GNB5: variants seen among roughly 807,000 people sequenced by gnomAD.
The protein encoded by GNB5 is G protein subunit beta 5, also known as guanine nucleotide-binding protein subunit beta-5.
Under a neutral mutation model 55.3 loss-of-function variants are expected in GNB5, and 37 were observed. That is an observed-to-expected ratio of 0.67 (90% confidence interval 0.51 to 0.88). The LOEUF is 0.88. Ranked by LOEUF, GNB5 falls within the 40% of genes least tolerant of loss-of-function variation. The pLI, the probability that GNB5 is intolerant of heterozygous loss-of-function variation, is 0.00. For missense variants in GNB5, 476 were observed against 515.3 expected, an observed-to-expected ratio of 0.92 and a Z score of 0.74; for synonymous variants, 219 against 198.5, an observed-to-expected ratio of 1.10 and a Z score of -0.87.
In GNB5 at chr15:52,153,958, C is replaced by A; in HGVS notation, c.357G>T (p.Arg119Ser). The change falls in exon 4 of 13, where the codon AGG (arginine) becomes AGT (serine). Residue 119 changes from arginine to serine, a missense_variant. By Grantham distance (110) the Arg-to-Ser change is moderately radical. Transcript: ENST00000261837. ...GACATACCTGTGACGAGCTCACGATCCTCCTCTTATCTTTGCACCAGTCCA... is the reference window on the plus strand; with the variant it reads ...GACATACCTGTGACGAGCTCACGATACTCCTCTTATCTTTGCACCAGTCCA... ...LCMDWCKDKRRIVSSSQDGKV... is the reference protein window; with the variant it reads ...LCMDWCKDKRSIVSSSQDGKV... 6.2e-7 allele frequency: 1 copy of A among 1,613,406 alleles called. No homozygotes were observed. The highest frequency in any genetic ancestry group is 8.5e-7 in the Non-Finnish European group (1 of 1,179,468).
chr15:52,149,784 T>C, intron 5 of GNB5, 100 bp downstream of exon 5: 1 of 850,840 alleles, frequency 1.2e-6, no homozygotes, highest in Non-Finnish European at 2.0e-6. Flanking sequence ...CAGGGATACA[T>C]GGAGAGAAAT....
chr15:52,185,744 A>G (rs1319076520), intron 1 of GNB5, among the ~76,000 whole-genome samples: 2 of 121,294 alleles, frequency 1.6e-5, no homozygotes, highest in African/African-American at 6.5e-5. Context: ...TGAGCTGTGT[A>G]TTCATCTTTT....
rs1162219778 is a variant in GNB5 at position 52,117,496 on chromosome 15, CCT to C, written c.*5259_*5260del. 3 of 152,262 alleles carry C rather than the reference CCT, an allele frequency of 2.0e-5. No individual in the cohort carries two copies. Among genetic ancestry groups the C allele is most frequent in the African/African-American group, 4.8e-5 (2 of 41,464 alleles). The allele number at this position is 152,262 out of a possible 1,614,324, so 9.4% of individuals were successfully genotyped here. On this transcript the variant is annotated 3_prime_UTR_variant, in exon 13 of 13. Coordinates refer to ENST00000261837, the MANE Select transcript of GNB5 (RefSeq NM_016194.4). ...TCCATTAACCAACTCCTCCCCACCCCCTGCTGCATCCTTTTTCTAATGACATG... is the reference window on the plus strand; with the variant it reads ...TCCATTAACCAACTCCTCCCCACCCCGCTGCATCCTTTTTCTAATGACATG...
chr15:52,168,930 A>G (rs2034501531), intron 3 of GNB5, among the ~76,000 whole-genome samples: 1 of 152,260 alleles, frequency 6.6e-6, no homozygotes, highest in Non-Finnish European at 1.5e-5. Flanking sequence ...CAGAAGACTG[A>G]AACTGGACCC....
intron 3 of GNB5, among the ~76,000 whole-genome samples, chr15:52,173,780 G>A (rs534489343): frequency 6.6e-6 from 1 of 152,164 alleles, no homozygotes; most frequent in Admixed American, 6.5e-5. Context: ...CCCCTCCCTG[G>A]ATCTCAGCTG....
intron 8 of GNB5, among the ~76,000 whole-genome samples, chr15:52,133,960 AGCAAAGCTGGAGAGCCAG>A (rs928916823): frequency 3.3e-5 from 5 of 152,232 alleles, no homozygotes; most frequent in African/African-American, 1.2e-4. Flanking sequence ...GGCAGCCCTC[AGCAAAGCTGGAGAGCCAG>A]GTGCCCCGGG....
chr15:52,153,337 A>G (rs1453112054), intron 4 of GNB5, among the ~76,000 whole-genome samples: 1 of 152,206 alleles, frequency 6.6e-6, no homozygotes, highest in African/African-American at 2.4e-5. Flanking sequence ...CGGCAACCAC[A>G]GCCCCGACCA....
chr15:52,161,358 C>T (rs1442041533), intron 3 of GNB5, among the ~76,000 whole-genome samples: 1 of 152,130 alleles, frequency 6.6e-6, no homozygotes, highest in Non-Finnish European at 1.5e-5. Context: ...AGTGCAGTGG[C>T]GTGATCTTGG....
At chr15:52,148,496 GT>G (rs1305986573) in intron 5 of GNB5, among the ~76,000 whole-genome samples, 1 of 152,232 alleles carries the variant, frequency 6.6e-6, no homozygotes, top group Admixed American at 6.5e-5. Context: ...CATCTTGGTG[GT>G]GGTAGAACCA....
At chr15:52,160,574 TTTATAGAA>T (rs1464847356) in intron 3 of GNB5, among the ~76,000 whole-genome samples, 1 of 152,174 alleles carries the variant, frequency 6.6e-6, no homozygotes, top group Non-Finnish European at 1.5e-5. Context: ...TTGATTGCCT[TTTATAGAA>T]TTATAGAAGT....
chr15:52,155,381 A>G (rs1046553254), intron 3 of GNB5, among the ~76,000 whole-genome samples: 3 of 152,172 alleles, frequency 2.0e-5, no homozygotes, highest in Non-Finnish European at 4.4e-5. Context: ...TCTGAGTCCT[A>G]TGACAGCAGC....
At chr15:52,154,195 C>T in intron 3 of GNB5, 119 bp from the exon 4 acceptor site, 1 of 800,428 alleles carries the variant, frequency 1.2e-6, no homozygotes, top group Non-Finnish European at 1.9e-6. Context: ...TCCTCCATAA[C>T]AAGCCACAGC....
At chr15:52,166,327 C>A (rs1228216623) in intron 3 of GNB5, among the ~76,000 whole-genome samples, 2 of 152,210 alleles carry the variant, frequency 1.3e-5, no homozygotes, top group African/African-American at 4.8e-5. Context: ...GAACTCAGCT[C>A]TGGATGAAGT....
intron 3 of GNB5, among the ~76,000 whole-genome samples, chr15:52,179,352 A>G (rs1461683300): frequency 1.3e-5 from 2 of 152,148 alleles, no homozygotes; most frequent in Non-Finnish European, 2.9e-5. Flanking sequence ...CCAGACGGGC[A>G]TTAAAAAACA....
chr15:52,169,402 GTGGT>G (rs2034511734), intron 3 of GNB5, among the ~76,000 whole-genome samples: 1 of 151,702 alleles, frequency 6.6e-6, no homozygotes, highest in African/African-American at 2.4e-5. Flanking sequence ...GCTGGGCATG[GTGGT>G]GGGCACCTGT....
Position 52,141,175 on chromosome 15 carries a change from G to C in GNB5, c.592C>G (p.Leu198Val). 1.2e-6 allele frequency: 2 copies of C among 1,614,082 alleles called. No individual in the cohort carries two copies. The highest frequency in any genetic ancestry group is 2.2e-5 in the South Asian group (2 of 91,086). Reference sequence around the variant, plus strand: ...GAGTTGGTGAAGCTGCAGGCCGACAGGTAGTTGGTGTGCATAGCAACAGAC... The same window carrying C: ...GAGTTGGTGAAGCTGCAGGCCGACACGTAGTTGGTGTGCATAGCAACAGAC... ...KKSVAMHTNYLSACSFTNSDM... is the reference protein window; with the variant it reads ...KKSVAMHTNYVSACSFTNSDM... Residue 198 changes from leucine (L) to valine (V), a missense_variant, in exon 7 of 13, where the codon CTG becomes GTG. By Grantham distance (32) the Leu-to-Val change is conservative. Transcript: ENST00000261837.
chr15:52,122,840 T>G, intron 12 of GNB5, 72 bp from the exon 13 acceptor site: 1 of 1,148,892 alleles, frequency 8.7e-7, no homozygotes, highest in Non-Finnish European at 1.3e-6. Context: ...CTTAAAGAGA[T>G]AAAATTAGTC....
At chr15:52,187,445 C>T (rs1303449187) in intron 1 of GNB5, among the ~76,000 whole-genome samples, 1 of 151,910 alleles carries the variant, frequency 6.6e-6, no homozygotes, top group African/African-American at 2.4e-5. Context: ...GAGCTGCGGA[C>T]AGAGGAGCAG....
chr15:52,146,540 AT>A (rs1566939420), intron 6 of GNB5, among the ~76,000 whole-genome samples: 1 of 151,918 alleles, frequency 6.6e-6, no homozygotes, highest in African/African-American at 2.4e-5. Context: ...TTGGATGGGT[AT>A]GTTGGTTCCT....
Sources: gnomAD v4.1 joint callset for allele counts (sites outside exome capture counted in the v4.1 genomes callset) on GRCh38, gnomAD v4.1.1 for gene constraint, MANE v1.5 for transcripts, NCBI Gene and HGNC (gene_info 2026-07-23, HGNC 2026-07-21) for gene names.